CLSTN2: variants seen among roughly 807,000 people sequenced by gnomAD.
The protein encoded by CLSTN2 is calsyntenin 2.
In CLSTN2, 48 loss-of-function variants were observed where a neutral mutation model predicts 101.2. The ratio of observed to expected loss-of-function variants is 0.47; its 90% confidence interval spans 0.38 to 0.60. The LOEUF is 0.60. Among genes scored for constraint, CLSTN2 ranks in the 20% least tolerant of loss-of-function variants. The pLI is 0.00. For synonymous variants in CLSTN2, 481 were observed against 463.6 expected (o/e 1.04, Z -0.48); for missense variants, 1,160 against 1,238.2 (o/e 0.94, Z 0.95).
At chr3:140,539,486 A>G (rs1935425817) in intron 9 of CLSTN2, among the ~76,000 whole-genome samples, 1 of 152,188 alleles carries the variant, frequency 6.6e-6, no homozygotes, top group Non-Finnish European at 1.5e-5. Flanking sequence ...ATCAATTTTG[A>G]AGATGTTATT....
intron 2 of CLSTN2, among the ~76,000 whole-genome samples, chr3:140,254,526 T>G (rs961495314): frequency 2.0e-5 from 3 of 152,178 alleles, no homozygotes; most frequent in Admixed American, 6.5e-5. Context: ...GAAGAGCCTG[T>G]GTGTGTATCC....
At chr3:140,373,657 C>T (rs10804672) in intron 2 of CLSTN2, among the ~76,000 whole-genome samples, 145,309 of 152,142 alleles carry the variant, frequency 0.96, 69,741 homozygotes, top group East Asian at 1. Context: ...ACTATTAGCT[C>T]AGAAGAGAGA....
chr3:140,004,735 C>T (rs1277942959), intron 1 of CLSTN2, among the ~76,000 whole-genome samples: 1 of 152,176 alleles, frequency 6.6e-6, no homozygotes, highest in African/African-American at 2.4e-5. Context: ...CAAGTAAAAT[C>T]CAGTGGGAGA....
rs531687092 is a variant in CLSTN2, at chr3:140,302,952, G to A, written c.233-100677G>A. On this transcript the variant is annotated intron_variant, in intron 2 of 16. Transcript: ENST00000458420. Reference sequence around the variant, plus strand: ...GATGGGGCAGGACTGTGATTCCTCCGCCATTGCTGAGTTCTCCATCTCTGT... The same window carrying A: ...GATGGGGCAGGACTGTGATTCCTCCACCATTGCTGAGTTCTCCATCTCTGT... 7.9e-5 allele frequency among the ~76,000 whole-genome samples: 12 copies of A among 152,264 alleles called. No homozygotes were observed. In the East Asian group the frequency reaches 9.7e-4, roughly 12 times the overall value.
intron 8 of CLSTN2, among the ~76,000 whole-genome samples, chr3:140,524,965 T>C (rs1011970699): frequency 9.2e-5 from 14 of 152,334 alleles, no homozygotes; most frequent in South Asian, 6.2e-4. Context: ...GGAAAGTGTA[T>C]AGCACTAAAA....
intron 2 of CLSTN2, among the ~76,000 whole-genome samples, chr3:140,302,796 G>A (rs1010830155): frequency 1.3e-5 from 2 of 152,190 alleles, no homozygotes; most frequent in African/African-American, 4.8e-5. Flanking sequence ...TAGGCCAGGT[G>A]GGAGGGTTGG....
intron 1 of CLSTN2, among the ~76,000 whole-genome samples, chr3:140,090,835 G>A (rs1408379234): frequency 1.3e-5 from 2 of 152,102 alleles, no homozygotes; most frequent in African/African-American, 4.8e-5. Flanking sequence ...GGAGGTGTAC[G>A]GGGGCAGGAA....
chr3:140,526,579 G>C (rs1023081219), intron 8 of CLSTN2, among the ~76,000 whole-genome samples: 8 of 128,306 alleles, frequency 6.2e-5, no homozygotes, highest in African/African-American at 2.4e-4. Flanking sequence ...AAATTTATAT[G>C]AAACAAACAA....
chr3:140,020,100 A>G (rs768626841), intron 1 of CLSTN2, among the ~76,000 whole-genome samples: 14 of 152,194 alleles, frequency 9.2e-5, no homozygotes, highest in Non-Finnish European at 2.1e-4. Flanking sequence ...GTGTTTCCAC[A>G]GAGCTTATCT....
rs771230893 is a variant in CLSTN2 at position 140,575,236 on chromosome 3, T to A, written c.*8983T>A. 1 of 152,068 alleles carries A rather than the reference T, an allele frequency of 6.6e-6. No individual in the cohort carries two copies. The highest frequency in any genetic ancestry group is 2.4e-5 in the African/African-American group (1 of 41,382). The allele number at this position is 152,068 out of a possible 1,614,324, so 9.4% of individuals were successfully genotyped here. ...AAGTCAGGGCTGATCACTCAAAAAG[T>A]AAGATAGGAGATATTGAGGGAAAAT... is the stretch of plus-strand genomic sequence containing the variant. On this transcript the variant is annotated 3_prime_UTR_variant, in exon 17 of 17. Coordinates refer to ENST00000458420, the MANE Select transcript of CLSTN2 (RefSeq NM_022131.3).
intron 1 of CLSTN2, among the ~76,000 whole-genome samples, chr3:139,995,660 T>C (rs901903066): frequency 1.3e-5 from 2 of 152,170 alleles, no homozygotes; most frequent in Non-Finnish European, 2.9e-5. Context: ...GCAGGTCCAT[T>C]GTTGAGGTCT....
chr3:140,532,623 CAT>C (rs1232375753), intron 9 of CLSTN2, 137 bp downstream of exon 9: 6 of 596,318 alleles, frequency 1.0e-5, no homozygotes, highest in Non-Finnish European at 8.0e-6. Context: ...AAATTCAAGA[CAT>C]ATAAAAATAA....
Position 140,231,577 on chromosome 3 carries a change from C to T in CLSTN2, c.232+55504C>T, listed in dbSNP as rs192746931. 1.1e-4 allele frequency among the ~76,000 whole-genome samples: 16 copies of T among 152,246 alleles called. No individual in the cohort carries two copies. The East Asian group carries it at 2.9e-3, about 28-fold the overall frequency. On this transcript the variant is annotated intron_variant, in intron 2 of 16. Coordinates refer to ENST00000458420, the MANE Select transcript of CLSTN2 (RefSeq NM_022131.3). ...TGTGGAAAAGTACTCCACACTGAGG[C>T]ACTCGATAGAGGCCTGTATTCCTCT...
At chr3:140,429,288 G>C (rs752763262) in intron 5 of CLSTN2, among the ~76,000 whole-genome samples, 1 of 152,102 alleles carries the variant, frequency 6.6e-6, no homozygotes, top group Non-Finnish European at 1.5e-5. Context: ...CCAGAACTCC[G>C]ATTATAGAAG....
intron 1 of CLSTN2, among the ~76,000 whole-genome samples, chr3:140,058,187 C>T (rs1279765896): frequency 3.9e-5 from 6 of 152,236 alleles, no homozygotes; most frequent in Admixed American, 2.6e-4. Flanking sequence ...AGCCAGTATC[C>T]CTGCCCTCAA....
At chr3:140,503,085 C>T (rs1934613918) in intron 8 of CLSTN2, among the ~76,000 whole-genome samples, 1 of 152,178 alleles carries the variant, frequency 6.6e-6, no homozygotes, top group Non-Finnish European at 1.5e-5. Flanking sequence ...ATTATTCAAC[C>T]TCTTCTTCAT....
At chr3:140,459,324 G>T (rs1933497047) in intron 6 of CLSTN2, among the ~76,000 whole-genome samples, 197 bp from the exon 7 acceptor site, 1 of 152,124 alleles carries the variant, frequency 6.6e-6, no homozygotes, top group South Asian at 2.1e-4. Context: ...AGTTACTGAT[G>T]CCTCCCCAAG....
At chr3:140,033,477 C>T (rs1157884285) in intron 1 of CLSTN2, among the ~76,000 whole-genome samples, 2 of 152,190 alleles carry the variant, frequency 1.3e-5, no homozygotes, top group East Asian at 3.8e-4. Flanking sequence ...CAGATGTCCT[C>T]CCCAGAGGCC....
At chr3:140,361,650 T>C (rs1388455783) in intron 2 of CLSTN2, among the ~76,000 whole-genome samples, 1 of 152,174 alleles carries the variant, frequency 6.6e-6, no homozygotes, top group Non-Finnish European at 1.5e-5. Flanking sequence ...ACAAGATCAA[T>C]GTTAAAAAGC....
Sources: gnomAD v4.1 joint callset for allele counts (sites outside exome capture counted in the v4.1 genomes callset) on GRCh38, gnomAD v4.1.1 for gene constraint, MANE v1.5 for transcripts, NCBI Gene and HGNC (gene_info 2026-07-23, HGNC 2026-07-21) for gene names.